The following ANKRD30B variants were observed in gnomAD, a reference collection of about 807,000 sequenced individuals.
ANKRD30B encodes the protein ankyrin repeat domain-containing protein 30B.
ANKRD30B carries 144 observed loss-of-function variants against 202.2 expected under a neutral mutation model. The ratio of observed to expected loss-of-function variants is 0.71; its 90% CI spans 0.62 to 0.82. The LOEUF (loss-of-function observed/expected upper bound fraction) is 0.82, where lower values mean the gene tolerates loss of function less well. Ranked by LOEUF, ANKRD30B falls within the 40% of genes least tolerant of loss-of-function variation. The pLI, the probability that ANKRD30B is intolerant of heterozygous loss-of-function variation, is 0.00. For missense variants in ANKRD30B, 1,487 were observed against 1,669.1 expected, an observed-to-expected ratio of 0.89 and a Z score of 1.90; for synonymous variants, 508 against 561.3, an observed-to-expected ratio of 0.91 and a Z score of 1.34.
chr18:14,756,006 T>G (rs1275042201), intron 4 of ANKRD30B, among the ~76,000 whole-genome samples: 1 of 152,202 alleles, frequency 6.6e-6, no homozygotes, highest in African/African-American at 2.4e-5. Flanking sequence ...TTGAACTAGT[T>G]TACATTCCCA....
At chr18:14,930,952 G>T in the ANKRD30B span, among the ~76,000 whole-genome samples, 1 of 152,346 alleles carries the variant, frequency 6.6e-6, no homozygotes, top group African/African-American at 2.4e-5. Context: ...ACTCAGCAGA[G>T]AAGTCATTGG....
At chr18:14,809,634 A>G (rs1969790148) in intron 26 of ANKRD30B, among the ~76,000 whole-genome samples, 2 of 150,802 alleles carry the variant, frequency 1.3e-5, no homozygotes. Flanking sequence ...TGGTGATGCA[A>G]AACCTCCCTG....
At chr18:14,869,426 ATTC>A in the ANKRD30B span, among the ~76,000 whole-genome samples, 10 of 151,742 alleles carry the variant, frequency 6.6e-5, no homozygotes, top group Non-Finnish European at 1.0e-4. Flanking sequence ...AAATTTAGTC[ATTC>A]TTCTTTTAAA....
rs188367779 is a variant in ANKRD30B at position 14,773,446 on chromosome 18, G to A, written c.1329+1218G>A. 2.6e-5 allele frequency among the ~76,000 whole-genome samples: 4 copies of A among 152,136 alleles called. No homozygotes were observed. In the East Asian group the frequency reaches 7.7e-4, roughly 29 times the overall value. The stretch of plus-strand genomic sequence containing the variant: ...ATATTACAAGTGAGATAATATGCAT[G>A]ATATATCTTATAATTAAATCTAATG... On this transcript the variant is annotated intron_variant, in intron 9 of 43. Coordinates refer to ENST00000690538, the MANE Select transcript of ANKRD30B (RefSeq NM_001367607.2).
At chr18:14,927,013 G>A in the ANKRD30B span, among the ~76,000 whole-genome samples, 11 of 152,050 alleles carry the variant, frequency 7.2e-5, no homozygotes, top group Admixed American at 2.0e-4. Flanking sequence ...GGTAGTAGTA[G>A]TTGGTCTAAT....
chr18:14,917,075 C>G, the ANKRD30B span, among the ~76,000 whole-genome samples: 1 of 152,190 alleles, frequency 6.6e-6, no homozygotes, highest in Non-Finnish European at 1.5e-5. Context: ...GTGAAGCCAG[C>G]CACCTCTCTG....
intron 16 of ANKRD30B, among the ~76,000 whole-genome samples, chr18:14,795,162 G>A (rs971856026): frequency 2.0e-5 from 3 of 152,154 alleles, no homozygotes; most frequent in Admixed American, 2.0e-4. Flanking sequence ...AAAGTCTCTG[G>A]AAATTGACAT....
At chr18:14,809,117 G>C (rs1386551146) in intron 26 of ANKRD30B, among the ~76,000 whole-genome samples, 2 of 128,082 alleles carry the variant, frequency 1.6e-5, no homozygotes, top group East Asian at 2.7e-4. Flanking sequence ...AGATATACCC[G>C]CATTTACTAT....
intron 9 of ANKRD30B, among the ~76,000 whole-genome samples, chr18:14,775,489 A>G (rs987938081): frequency 1.1e-4 from 17 of 152,348 alleles, no homozygotes; most frequent in Admixed American, 2.6e-4. Flanking sequence ...CTGGGACTTC[A>G]AAATATCAGT....
the ANKRD30B span, among the ~76,000 whole-genome samples, chr18:14,912,104 T>A: frequency 3.9e-5 from 6 of 152,196 alleles, no homozygotes; most frequent in Non-Finnish European, 8.8e-5. Context: ...AGTTTGAATG[T>A]CTTTTGATTT....
At chr18:14,927,632 G>T in the ANKRD30B span, among the ~76,000 whole-genome samples, 1 of 152,148 alleles carries the variant, frequency 6.6e-6, no homozygotes, top group African/African-American at 2.4e-5. Flanking sequence ...GAACATATCT[G>T]GATTTGGTCA....
At chr18:14,841,155 AG>A (rs1971403099) in intron 37 of ANKRD30B, among the ~76,000 whole-genome samples, 1 of 152,224 alleles carries the variant, frequency 6.6e-6, no homozygotes, top group Non-Finnish European at 1.5e-5. Context: ...TAGGGATGGA[AG>A]CACCTGACCA....
At chr18:14,811,039 C>T (rs1969886899) in intron 28 of ANKRD30B, among the ~76,000 whole-genome samples, 1 of 151,114 alleles carries the variant, frequency 6.6e-6, no homozygotes, top group Non-Finnish European at 1.5e-5. Flanking sequence ...TGCTTGAACC[C>T]ATGAGGCAGA....
the ANKRD30B span, among the ~76,000 whole-genome samples, chr18:14,932,482 G>A: frequency 3.3e-5 from 5 of 152,042 alleles, no homozygotes; most frequent in East Asian, 1.9e-4. Context: ...GACTACAGGC[G>A]CCCGCCACCG....
At chr18:14,930,178 A>G in the ANKRD30B span, among the ~76,000 whole-genome samples, 39 of 152,212 alleles carry the variant, frequency 2.6e-4, no homozygotes, top group African/African-American at 8.4e-4. Flanking sequence ...GGGTTCCTCC[A>G]GAAGGCAGGC....
the ANKRD30B span, among the ~76,000 whole-genome samples, chr18:14,940,482 C>G: frequency 6.6e-6 from 1 of 152,196 alleles, no homozygotes; most frequent in African/African-American, 2.4e-5. Flanking sequence ...GAGGGAACAG[C>G]AGCGTGGAAT....
At chr18:14,798,093 C>T (rs34766479) in intron 20 of ANKRD30B, among the ~76,000 whole-genome samples, 7 of 152,258 alleles carry the variant, frequency 4.6e-5, no homozygotes, top group East Asian at 1.9e-4. Context: ...TGCAATGCAA[C>T]GGGGCCTTGT....
chr18:14,916,730 A>T, the ANKRD30B span, among the ~76,000 whole-genome samples: 1 of 152,230 alleles, frequency 6.6e-6, no homozygotes. Flanking sequence ...CAGTTGATCT[A>T]ATCAATATGT....
chr18:14,858,734 G>A (rs1972138396), downstream of ANKRD30B, among the ~76,000 whole-genome samples: 1 of 146,044 alleles, frequency 6.8e-6, no homozygotes, highest in Non-Finnish European at 1.5e-5. Context: ...GGGGCGGCTG[G>A]GCAGAGGTGC....
Sources: gnomAD v4.1 joint callset for allele counts (sites outside exome capture counted in the v4.1 genomes callset) on GRCh38, gnomAD v4.1.1 for gene constraint, MANE v1.5 for transcripts, NCBI Gene and HGNC (gene_info 2026-07-23, HGNC 2026-07-21) for gene names.